CDK19: variants seen among roughly 807,000 people sequenced by gnomAD.
The protein encoded by CDK19 is cyclin-dependent kinase 19.
CDK19 carries 20 observed loss-of-function variants against 68.3 expected under a neutral mutation model. The observed-to-expected ratio is 0.29, with a 90% CI of 0.21 to 0.43. The LOEUF is 0.43. Among genes scored for constraint, CDK19 ranks in the 20% least tolerant of loss-of-function variants. CDK19 has a pLI of 1.00. For synonymous variants in CDK19, 221 were observed against 222.8 expected, an observed-to-expected ratio of 0.99 and a Z score of 0.07; for missense variants, 339 against 623.5, an observed-to-expected ratio of 0.54 and a Z score of 4.86.
chr6:110,770,084 T>C (rs1779901179), intron 1 of CDK19, among the ~76,000 whole-genome samples: 1 of 152,128 alleles, frequency 6.6e-6, no homozygotes, highest in African/African-American at 2.4e-5. Context: ...AAAAATAGCT[T>C]CTCTGAATAG....
intron 2 of CDK19, among the ~76,000 whole-genome samples, chr6:110,694,943 C>G (rs765047732): frequency 2.6e-5 from 4 of 152,144 alleles, no homozygotes; most frequent in Non-Finnish European, 4.4e-5. Context: ...ATGGCAAAAC[C>G]CCATCTCTAC....
At chr6:110,780,217 CAAA>C (rs779981592) in intron 1 of CDK19, among the ~76,000 whole-genome samples, 3 of 115,494 alleles carry the variant, frequency 2.6e-5, no homozygotes, top group Non-Finnish European at 5.6e-5. Context: ...GACTCCATCT[CAAA>C]AAAAAAAAAA....
At chr6:110,683,198 G>C (rs1413264189) in intron 2 of CDK19, among the ~76,000 whole-genome samples, 1 of 130,014 alleles carries the variant, frequency 7.7e-6, no homozygotes, top group African/African-American at 2.9e-5. Context: ...AAAAAAAAAA[G>C]TACATAGCAC....
At chr6:110,814,703 C>G in intron 1 of CDK19, 1 of 583,228 alleles carries the variant, frequency 1.7e-6, no homozygotes, top group Non-Finnish European at 3.2e-6. Context: ...CCCACAAACT[C>G]CTCCTCCACC....
At chr6:110,800,612 G>A (rs1782278100) in intron 1 of CDK19, among the ~76,000 whole-genome samples, 1 of 152,056 alleles carries the variant, frequency 6.6e-6, no homozygotes, top group Non-Finnish European at 1.5e-5. Context: ...ACGATCAAGT[G>A]GGCTTTATTC....
chr6:110,810,573 G>C (rs759746982), intron 1 of CDK19, among the ~76,000 whole-genome samples: 1 of 152,030 alleles, frequency 6.6e-6, no homozygotes, highest in Non-Finnish European at 1.5e-5. Context: ...TTGGGAGTTC[G>C]AGACCAGCCT....
chr6:110,665,802 T>G (rs75170264), intron 4 of CDK19, among the ~76,000 whole-genome samples: 7,214 of 152,188 alleles, frequency 0.047, 180 homozygotes, highest in Middle Eastern at 0.079. Context: ...AGGCAGAGTT[T>G]GCAGTGATCT....
chr6:110,722,230 T>C (rs1409421840), intron 2 of CDK19: 1 of 152,158 alleles, frequency 6.6e-6, no homozygotes, highest in African/African-American at 2.4e-5. Context: ...GTGGAGTTTT[T>C]AAATTTTTAT....
At chr6:110,644,125 C>T (rs1780384237) in intron 4 of CDK19, among the ~76,000 whole-genome samples, 1 of 151,910 alleles carries the variant, frequency 6.6e-6, no homozygotes, top group Admixed American at 6.6e-5. Context: ...AACCCTGTCT[C>T]TACTGAAAAT....
chr6:110,795,346 G>A (rs148576587), intron 1 of CDK19, among the ~76,000 whole-genome samples: 12 of 152,302 alleles, frequency 7.9e-5, no homozygotes, highest in Admixed American at 5.2e-4. Context: ...GGTTGGAAGA[G>A]GGGTGGTACC....
At chr6:110,767,657 T>G (rs1583055734) in intron 1 of CDK19, among the ~76,000 whole-genome samples, 1 of 151,812 alleles carries the variant, frequency 6.6e-6, no homozygotes, top group South Asian at 2.1e-4. Flanking sequence ...CACCCAGCCA[T>G]GAAGAGAGAA....
intron 1 of CDK19, among the ~76,000 whole-genome samples, chr6:110,781,582 C>T (rs1175016746): frequency 1.3e-5 from 2 of 152,120 alleles, no homozygotes; most frequent in African/African-American, 2.4e-5. Flanking sequence ...GTGGCTCACA[C>T]CTCTAATCCT....
chr6:110,668,358 C>G (rs1207526694), intron 3 of CDK19, among the ~76,000 whole-genome samples: 1 of 152,014 alleles, frequency 6.6e-6, no homozygotes, highest in Non-Finnish European at 1.5e-5. Flanking sequence ...TTTAAGATGA[C>G]CAAATGGTAT....
intron 1 of CDK19, among the ~76,000 whole-genome samples, chr6:110,808,860 ATATT>A (rs1012546486): frequency 3.1e-4 from 47 of 152,276 alleles, no homozygotes; most frequent in African/African-American, 1.1e-3. Flanking sequence ...CTAAGAGAAA[ATATT>A]TATTTCTCAA....
chr6:110,619,197 G>A (rs1307207663), intron 12 of CDK19, among the ~76,000 whole-genome samples: 1 of 152,064 alleles, frequency 6.6e-6, no homozygotes, highest in Non-Finnish European at 1.5e-5. Context: ...GCTATGAAAG[G>A]TTTATTTTTA....
Position 110,614,365 on chromosome 6 carries a change from A to C in CDK19, c.*170T>G, listed in dbSNP as rs1269511800. On this transcript the variant is annotated 3_prime_UTR_variant, in exon 13 of 13. Coordinates refer to ENST00000368911, the MANE Select transcript of CDK19 (RefSeq NM_015076.5). ...ACTTCACAAGAATCTTCTTTAAGTC[A>C]ATAAAGAAGAGCTATCAGTCCTGCA... 4.1e-6 allele frequency: 2 copies of C among 492,322 alleles called. No individual in the cohort carries two copies. The highest frequency in any genetic ancestry group is 7.0e-6 in the Non-Finnish European group (2 of 285,642). 30.5% of individuals were successfully genotyped at this position (492,322 alleles called of 1,614,324 possible).
intron 2 of CDK19, among the ~76,000 whole-genome samples, chr6:110,701,551 C>CAA (rs1166831323): frequency 8.1e-6 from 1 of 123,534 alleles, no homozygotes; most frequent in African/African-American, 3.0e-5. Flanking sequence ...GACTCTGTCT[C>CAA]AAAAAAAAAA....
chr6:110,716,849 T>C (rs2114719211), intron 2 of CDK19, among the ~76,000 whole-genome samples: 1 of 152,256 alleles, frequency 6.6e-6, no homozygotes, highest in Non-Finnish European at 1.5e-5. Flanking sequence ...ATAAATAGAA[T>C]GTGGCAGGGT....
At chr6:110,773,522 T>G (rs767389312) in intron 1 of CDK19, among the ~76,000 whole-genome samples, 1 of 152,148 alleles carries the variant, frequency 6.6e-6, no homozygotes, top group Non-Finnish European at 1.5e-5. Context: ...GAATTATGAC[T>G]TGGACAAGTT....
Sources: gnomAD v4.1 joint callset for allele counts (sites outside exome capture counted in the v4.1 genomes callset) on GRCh38, gnomAD v4.1.1 for gene constraint, MANE v1.5 for transcripts, NCBI Gene and HGNC (gene_info 2026-07-23, HGNC 2026-07-21) for gene names.